ESF1: variants seen among roughly 807,000 people sequenced by gnomAD.
ESF1 encodes ESF1 homolog.
Under a neutral mutation model 92.0 loss-of-function variants are expected in ESF1, and 58 were observed. That is an observed-to-expected ratio of 0.63 (90% CI 0.51 to 0.78). The LOEUF is 0.78. ESF1 is among the 30% of genes least tolerant of loss of function. The pLI is 0.00. For missense variants in ESF1, 922 were observed against 989.1 expected (o/e 0.93, Z 0.91); for synonymous variants, 321 against 313.7 (o/e 1.02, Z -0.24).
intron 11 of ESF1, among the ~76,000 whole-genome samples, chr20:13,727,455 A>T (rs2049907875): frequency 6.6e-6 from 1 of 152,204 alleles, no homozygotes; most frequent in Admixed American, 6.5e-5. Flanking sequence ...CTGGCCCACT[A>T]GTCACAAGGG....
Position 13,714,988 on chromosome 20 carries a change from C to T in ESF1, c.2442G>A (p.Glu814=). The stretch of plus-strand genomic sequence containing the variant: ...ACTTCCTTTGTGATTCCTTTTCAAT[C>T]TCACTCTCTTTTTTCTTTATTGCCT... ...LTQAIKKKES[E]IEKESQRKSI... is the part of the protein sequence containing the mutation. Residue 814 remains glutamate (E), a synonymous_variant, in exon 14 of 14, where the codon GAG becomes GAA. Transcript: ENST00000617257. 2 of 1,613,946 alleles carry T rather than the reference C, an allele frequency of 1.2e-6. No homozygotes were observed. Among genetic ancestry groups the T allele is most frequent in the Non-Finnish European group, 1.7e-6 (2 of 1,179,976 alleles).
rs73612309 is a variant in ESF1 at position 13,745,124 on chromosome 20, G to A, written c.1829-11282C>T. Among the ~76,000 whole-genome samples, 45 of 152,294 alleles carry A rather than the reference G, an allele frequency of 3.0e-4. 2 individuals carry two copies. In the East Asian group the frequency reaches 7.1e-3, roughly 24 times the overall value. Reference sequence around the variant, plus strand: ...CCTGATAATATCAGTTAAAGGTAACGATAAAGAGCTATGGGAACTCACACT... The same window carrying A: ...CCTGATAATATCAGTTAAAGGTAACAATAAAGAGCTATGGGAACTCACACT... On this transcript the variant is annotated intron_variant, in intron 9 of 13. Coordinates refer to ENST00000617257, the MANE Select transcript of ESF1 (RefSeq NM_001276380.2).
chr20:13,731,888 G>A (rs1273392618), intron 10 of ESF1, among the ~76,000 whole-genome samples: 1 of 152,224 alleles, frequency 6.6e-6, no homozygotes, highest in Non-Finnish European at 1.5e-5. Context: ...TGGATAGCTG[G>A]ACACATGGAG....
intron 9 of ESF1, among the ~76,000 whole-genome samples, chr20:13,734,962 C>T (rs1465182135): frequency 1.3e-5 from 2 of 152,086 alleles, no homozygotes; most frequent in African/African-American, 4.8e-5. Flanking sequence ...GTCATCCTCT[C>T]TTCTATTATC....
Position 13,769,386 on chromosome 20 carries a change from A to C in ESF1, c.1518+521T>G, listed in dbSNP as rs117419948. Among the ~76,000 whole-genome samples, 1,124 of 152,356 alleles carry C rather than the reference A, an allele frequency of 7.4e-3. 6 individuals are homozygous for C. The highest frequency in any genetic ancestry group is 0.022 in the South Asian group (105 of 4,832). On this transcript the variant is annotated intron_variant, in intron 7 of 13. Coordinates refer to ENST00000617257, the MANE Select transcript of ESF1 (RefSeq NM_001276380.2). ...AAAAAGAAACATCAGCAGATAACTGACACAGGCTTAAATGCGTAACAAGAA... is the reference window on the plus strand; with the variant it reads ...AAAAAGAAACATCAGCAGATAACTGCCACAGGCTTAAATGCGTAACAAGAA...
intron 8 of ESF1, among the ~76,000 whole-genome samples, chr20:13,765,015 G>A (rs1456132391): frequency 6.6e-6 from 1 of 152,070 alleles, no homozygotes; most frequent in Non-Finnish European, 1.5e-5. Context: ...TTGAGGTCAG[G>A]AGTTCGAGAC....
chr20:13,753,432 C>T (rs1978732076), intron 9 of ESF1, among the ~76,000 whole-genome samples: 1 of 149,562 alleles, frequency 6.7e-6, no homozygotes, highest in Non-Finnish European at 1.5e-5. Flanking sequence ...ATCATATTTT[C>T]AGGCTATACT....
intron 11 of ESF1, among the ~76,000 whole-genome samples, chr20:13,719,409 T>A (rs1281351685): frequency 6.6e-6 from 1 of 152,094 alleles, no homozygotes; most frequent in Non-Finnish European, 1.5e-5. Context: ...AAAGATTACA[T>A]AGATTCCATG....
At chr20:13,772,200 A>T (rs551477353) in intron 5 of ESF1, among the ~76,000 whole-genome samples, 244 of 152,162 alleles carry the variant, frequency 1.6e-3, no homozygotes, top group Non-Finnish European at 2.4e-3. Flanking sequence ...GTCTCAAAAA[A>T]AAAAGCAAAA....
chr20:13,740,271 A>G (rs2050003345), intron 9 of ESF1, among the ~76,000 whole-genome samples: 1 of 152,236 alleles, frequency 6.6e-6, no homozygotes, highest in South Asian at 2.1e-4. Flanking sequence ...CTTCACAGAA[A>G]CAAACTATAA....
At chr20:13,737,895 A>G (rs2049985491) in intron 9 of ESF1, among the ~76,000 whole-genome samples, 1 of 152,174 alleles carries the variant, frequency 6.6e-6, no homozygotes, top group South Asian at 2.1e-4. Context: ...ACCTCAGGTG[A>G]TCCGCCCACC....
intron 2 of ESF1, 26 bp downstream of exon 2, chr20:13,782,478 A>T (rs370759488): frequency 2.0e-5 from 30 of 1,482,078 alleles, no homozygotes; most frequent in Non-Finnish European, 2.5e-5. Context: ...GTAACACCCA[A>T]GAATCTCTAA....
Position 13,759,813 on chromosome 20 carries a change from C to T in ESF1, c.1707G>A (p.Lys569=). The change falls in exon 9 of 14, where the codon AAG becomes AAA. Residue 569 remains lysine, a synonymous_variant. Transcript: ENST00000617257. ...GVNVEEDGKT[K]KSQKDDEEQI... is the part of the protein sequence containing the mutation. Reference sequence around the variant, plus strand: ...GTTCTTCATCATCCTTCTGACTTTTCTTTGTTTTCCCATCTTCTTCTACAT... The same window carrying T: ...GTTCTTCATCATCCTTCTGACTTTTTTTTGTTTTCCCATCTTCTTCTACAT... 1.3e-6 allele frequency: 2 copies of T among 1,599,446 alleles called. No individual in the cohort carries two copies. The highest frequency in any genetic ancestry group is 2.3e-5 in the East Asian group (1 of 44,110).
At chr20:13,756,983 A>AT (rs145125832) in intron 9 of ESF1, among the ~76,000 whole-genome samples, 11 of 151,474 alleles carry the variant, frequency 7.3e-5, no homozygotes, top group Non-Finnish European at 1.2e-4. Flanking sequence ...GATCTGTCCT[A>AT]TTTTTTTTTC....
chr20:13,716,087 C>G (rs2049822780), intron 13 of ESF1, among the ~76,000 whole-genome samples: 1 of 152,144 alleles, frequency 6.6e-6, no homozygotes, highest in African/African-American at 2.4e-5. Context: ...CCAAATCCTT[C>G]TATATGCTAC....
At chr20:13,740,968 C>A (rs2050009951) in intron 9 of ESF1, among the ~76,000 whole-genome samples, 1 of 150,412 alleles carries the variant, frequency 6.6e-6, no homozygotes, top group African/African-American at 2.4e-5. Context: ...ATAGCCAATA[C>A]CCTTCCCTCC....
At chr20:13,725,993 T>C (rs2049898337) in intron 11 of ESF1, among the ~76,000 whole-genome samples, 2 of 152,186 alleles carry the variant, frequency 1.3e-5, no homozygotes, top group Admixed American at 1.3e-4. Flanking sequence ...AAACAGAAGT[T>C]ATGCTAAATT....
chr20:13,770,073 C>G (rs771710185), intron 6 of ESF1, 52 bp from the exon 7 acceptor site: 1 of 1,027,148 alleles, frequency 9.7e-7, no homozygotes, highest in East Asian at 2.4e-5. Context: ...GTGATAACCA[C>G]AGTTTAGATT....
intron 9 of ESF1, among the ~76,000 whole-genome samples, chr20:13,736,489 G>A (rs557620797): frequency 6.6e-6 from 1 of 152,194 alleles, no homozygotes; most frequent in South Asian, 2.1e-4. Flanking sequence ...CTTCTAACTA[G>A]ACCAAAAGCA....
Sources: gnomAD v4.1 joint callset for allele counts (sites outside exome capture counted in the v4.1 genomes callset) on GRCh38, gnomAD v4.1.1 for gene constraint, MANE v1.5 for transcripts, NCBI Gene and HGNC (gene_info 2026-07-23, HGNC 2026-07-21) for gene names.